The following C20orf204 variants were observed in gnomAD, a reference collection of about 807,000 sequenced individuals.
C20orf204 encodes uncharacterized protein C20orf204.
In C20orf204, 6 loss-of-function variants were observed where a neutral mutation model predicts 3.6. The observed-to-expected ratio is 1.68, with a 90% CI of 0.92 to 3.31. C20orf204 has a LOEUF of 3.31. Ranked by LOEUF, C20orf204 falls within the 30% of genes most tolerant of loss-of-function variation. The pLI, the probability that C20orf204 is intolerant of heterozygous loss-of-function variation, is 0.00. For missense variants in C20orf204, 167 were observed against 89.7 expected, an observed-to-expected ratio of 1.86 and a Z score of -3.48; for synonymous variants, 80 against 41.4, an observed-to-expected ratio of 1.93 and a Z score of -3.58.
chr20:64,038,742 G>T lies in C20orf204; in HGVS notation c.553G>T (p.Ala185Ser). ...GAAGCTCTTCGCGCTGCGCGCCCCG[G>T]CCTCCAGGGACTCCTAGCGCGGCCC... is the stretch of plus-strand genomic sequence containing the variant. ...WEKLFALRAP[A>S]SRDS The change falls in exon 4 of 4, where the codon GCC becomes TCC. Residue 185 changes from alanine to serine, a missense_variant. Ala to Ser is a moderately conservative substitution (Grantham distance 99). Coordinates refer to ENST00000636176, the MANE Select transcript of C20orf204 (RefSeq NM_001387010.1). 2 of 691,452 alleles carry T rather than the reference G, an allele frequency of 2.9e-6. No individual in the cohort carries two copies. Among genetic ancestry groups the T allele is most frequent in the South Asian group, 3.1e-5 (2 of 65,342 alleles). The allele number at this position is 691,452 out of a possible 1,614,324, so 42.8% of individuals were successfully genotyped here. A position where few individuals can be genotyped will look rare whatever the true frequency, so the allele number is the denominator to read the frequency against.
Position 64,038,393 on chromosome 20 carries a change from C to G in C20orf204, c.377C>G (p.Thr126Ser). Residue 126 changes from threonine to serine, a missense_variant, in exon 3 of 4, where the codon ACC becomes AGC. Thr to Ser is a moderately conservative substitution (Grantham distance 58, BLOSUM62 1). Transcript: ENST00000636176. Reference protein sequence around the residue: ...RRGALERAAWTVAVRTEAVMR... With the variant: ...RRGALERAAWSVAVRTEAVMR... ...GGGGCCCTGGAGAGAGCTGCTTGGACCGTGGCTGTGCGCACCGAGGCGGTG... is the reference window on the plus strand; with the variant it reads ...GGGGCCCTGGAGAGAGCTGCTTGGAGCGTGGCTGTGCGCACCGAGGCGGTG... The G allele has an allele frequency of 1.3e-6, 1 of 770,958 alleles. No homozygotes were observed. The highest frequency in any genetic ancestry group is 3.1e-4 in the Middle Eastern group (1 of 3,196). 47.8% of individuals were successfully genotyped at this position (770,958 alleles called of 1,614,324 possible).
upstream of C20orf204, chr20:64,034,388 G>A (rs2059330474): frequency 6.6e-6 from 1 of 152,306 alleles, no homozygotes; most frequent in African/African-American, 2.4e-5. Context: ...AGACCAGAAT[G>A]TGGGTGTGGG....
Position 64,038,069 on chromosome 20 carries a change from TG to T in C20orf204, c.147del (p.Lys50SerfsTer24). Reference protein sequence around the residue: ...AIIFEDLQAAVKWGGAGAEKT... With the variant: ...AIIFEDLQAAXKWGGAGAEKT... ...ATCTTCGAGGATCTGCAGGCCGCCG[TG>T]AAGTGGGGCGGGGCGGGGGCCGAAA... On this transcript the variant is annotated frameshift_variant, in exon 2 of 4. Coordinates refer to ENST00000636176, the MANE Select transcript of C20orf204 (RefSeq NM_001387010.1). LOFTEE classifies it high-confidence loss of function. 2 of 523,122 alleles carry T rather than the reference TG, an allele frequency of 3.8e-6. No homozygotes were observed. The highest frequency in any genetic ancestry group is 6.9e-5 in the East Asian group (2 of 28,816). 32.4% of individuals were successfully genotyped at this position (523,122 alleles called of 1,614,324 possible).
At chr20:64,035,394 G>T (rs1441733053), upstream of C20orf204, 1 of 152,228 alleles carries the variant, frequency 6.6e-6, no homozygotes, top group Non-Finnish European at 1.5e-5. Context: ...TCACCTGTGT[G>T]GTCTGTTCTT....
rs767579695 is a variant in C20orf204 at position 64,038,951 on chromosome 20, C to T, written c.*192C>T. On this transcript the variant is annotated 3_prime_UTR_variant, in exon 4 of 4. Transcript: ENST00000636176. ...CGCTGGGTCACGGAGGAGGCCCGCC[C>T]TCCACGCGCCGAAGGCCTCAATAAA... The T allele has an allele frequency of 2.8e-6, 2 of 723,722 alleles. No homozygotes were observed. Among genetic ancestry groups the T allele is most frequent in the East Asian group, 5.3e-5 (2 of 37,410 alleles). The allele number at this position is 723,722 out of a possible 1,614,324, so 44.8% of individuals were successfully genotyped here. A position where few individuals can be genotyped will look rare whatever the true frequency, so the allele number is the denominator to read the frequency against.
upstream of C20orf204, among the ~76,000 whole-genome samples, chr20:64,033,811 G>A (rs2059328559): frequency 6.6e-6 from 1 of 152,208 alleles, no homozygotes; most frequent in African/African-American, 2.4e-5. Context: ...CCGGCCGTGA[G>A]TTTATCTTTG....
chr20:64,038,579 C>CCGG, intron 3 of C20orf204, 43 bp from the exon 4 acceptor site: 1 of 516,570 alleles, frequency 1.9e-6, no homozygotes. Flanking sequence ...CCGGGCCGGG[C>CCGG]GCGGGGGCCG....
At chr20:64,037,904 C>T in intron 1 of C20orf204, 23 bp from the exon 2 acceptor site, 2 of 427,818 alleles carry the variant, frequency 4.7e-6, no homozygotes, top group East Asian at 3.5e-5. Context: ...CCAGGCCTAA[C>T]CCCAACCTGC....
chr20:64,035,363 T>TA (rs1202492507), upstream of C20orf204: 1 of 152,276 alleles, frequency 6.6e-6, no homozygotes, highest in Non-Finnish European at 1.5e-5. Context: ...GATGCAGTGT[T>TA]ACAATCCTAG....
At chr20:64,038,247 T>C in intron 2 of C20orf204, 45 bp downstream of exon 2, 1 of 742,180 alleles carries the variant, frequency 1.3e-6, no homozygotes, top group East Asian at 2.6e-5. Context: ...CCTGCTCCTC[T>C]CTCAGTTTCC....
chr20:64,034,639 G>A (rs1300263688), upstream of C20orf204: 3 of 152,432 alleles, frequency 2.0e-5, no homozygotes, highest in African/African-American at 7.2e-5. Flanking sequence ...GATCCCTCAT[G>A]GAGAGACGGA....
At chr20:64,034,881 G>A (rs2059332357), upstream of C20orf204, 1 of 152,472 alleles carries the variant, frequency 6.6e-6, no homozygotes, top group African/African-American at 2.4e-5. Context: ...AGCCAGCCTG[G>A]CCCTGTACAG....
chr20:64,038,529 C>G (rs1043549218), intron 3 of C20orf204, 81 bp downstream of exon 3: 1 of 573,398 alleles, frequency 1.7e-6, no homozygotes, highest in South Asian at 2.2e-5. Context: ...CTCCACGGCC[C>G]TAGGCTGAAG....
chr20:64,036,946 C>A (rs919363505), intron 1 of C20orf204: 2 of 152,308 alleles, frequency 1.3e-5, no homozygotes, highest in South Asian at 2.1e-4. Context: ...GAAGCCGAGT[C>A]GAGTCCTCTT....
chr20:64,034,163 C>T (rs2059329818), upstream of C20orf204, among the ~76,000 whole-genome samples: 1 of 152,196 alleles, frequency 6.6e-6, no homozygotes, highest in South Asian at 2.1e-4. Flanking sequence ...GCAGCTGTCC[C>T]TGGATGTTCC....
In C20orf204 at chr20:64,038,263, C is replaced by A. The variant is rs780944980; in HGVS notation, c.280-33C>A. The A allele has an allele frequency of 1.6e-5, 12 of 744,348 alleles. No homozygotes were observed. The East Asian group carries it at 2.9e-4, about 18-fold the overall frequency. The allele number at this position is 744,348 out of a possible 1,614,324, so 46.1% of individuals were successfully genotyped here. On this transcript the variant is annotated intron_variant, in intron 2 of 3. Transcript: ENST00000636176. The stretch of plus-strand genomic sequence containing the variant: ...CTGCTCCTCTCTCAGTTTCCCCCCA[C>A]CCCCACCCCGCCTTCCTCCCTTCCC...
upstream of C20orf204, among the ~76,000 whole-genome samples, chr20:64,034,054 G>A (rs558410480): frequency 1.7e-3 from 254 of 152,334 alleles, 1 homozygote; most frequent in African/African-American, 6.0e-3. Context: ...ACATCTGGCT[G>A]GAGGTCATGG....
chr20:64,036,094 G>C (rs1425065463), upstream of C20orf204: 1 of 152,398 alleles, frequency 6.6e-6, no homozygotes, highest in African/African-American at 2.4e-5. Context: ...GGCAGGGCTG[G>C]GATTGCGTGG....
At position 64,037,930 on chromosome 20, in the gene C20orf204, C is replaced by A. The variant is rs1026219492; in HGVS notation, c.7C>A (p.Pro3Thr). The A allele has an allele frequency of 1.1e-5, 5 of 438,080 alleles. No individual in the cohort carries two copies. The highest frequency in any genetic ancestry group is 2.0e-5 in the Non-Finnish European group (5 of 248,380). The allele number at this position is 438,080 out of a possible 1,614,324, so 27.1% of individuals were successfully genotyped here. A position where few individuals can be genotyped will look rare whatever the true frequency, so the allele number is the denominator to read the frequency against. Residue 3 changes from proline to threonine, a missense_variant, in exon 2 of 4, where the codon CCC (proline) becomes ACC (threonine). By Grantham distance (38) the Pro-to-Thr change is conservative. Transcript: ENST00000636176. MV[P>T]PKPALWALLL... is the part of the protein sequence containing the mutation. ...CCCAACCTGCTGTCTCCTCCAGGTA[C>A]CCCCTAAGCCTGCACTCTGGGCGCT...
Sources: gnomAD v4.1 joint callset for allele counts (sites outside exome capture counted in the v4.1 genomes callset) on GRCh38, gnomAD v4.1.1 for gene constraint, MANE v1.5 for transcripts, NCBI Gene and HGNC (gene_info 2026-07-23, HGNC 2026-07-21) for gene names.